The following CA10 variants were observed in gnomAD, a reference collection of about 807,000 sequenced individuals.
The protein encoded by CA10 is carbonic anhydrase 10 (inactive), also known as carbonic anhydrase-related protein 10.
In CA10, 14 loss-of-function variants were observed where a neutral mutation model predicts 44.2. The observed-to-expected ratio is 0.32, with a 90% CI of 0.21 to 0.50. The LOEUF is 0.50. Ranked by LOEUF, CA10 falls within the 20% of genes least tolerant of loss-of-function variation. CA10 has a pLI of 0.99. For synonymous variants in CA10, 159 were observed against 141.6 expected (o/e 1.12, Z -0.87); for missense variants, 350 against 409.7 (o/e 0.85, Z 1.26).
At chr17:51,856,307 C>G (rs967492898) in intron 3 of CA10, among the ~76,000 whole-genome samples, 1 of 151,996 alleles carries the variant, frequency 6.6e-6, no homozygotes, top group Non-Finnish European at 1.5e-5. Context: ...GATGTTAATT[C>G]TGGTTATTTA....
intron 8 of CA10, among the ~76,000 whole-genome samples, chr17:51,632,028 A>G (rs749762420): frequency 2.0e-5 from 3 of 152,198 alleles, no homozygotes; most frequent in African/African-American, 4.8e-5. Flanking sequence ...TGGAAAAACA[A>G]CAGTCCACAG....
rs115221684 is a variant in CA10 at position 52,096,456 on chromosome 17, G to A, written c.62-24063C>T. On this transcript the variant is annotated intron_variant, in intron 1 of 8. Transcript: ENST00000451037. ...AGTTCCTGGACACTCTGGTACATCCGATTACAGAAGAAAGAGATAAGAATT... is the reference window on the plus strand; with the variant it reads ...AGTTCCTGGACACTCTGGTACATCCAATTACAGAAGAAAGAGATAAGAATT... 4.5e-3 allele frequency among the ~76,000 whole-genome samples: 688 copies of A among 152,252 alleles called. 4 individuals carry two copies. Among genetic ancestry groups the A allele is most frequent in the Middle Eastern group, 0.041 (12 of 294 alleles).
intron 3 of CA10, among the ~76,000 whole-genome samples, chr17:51,908,456 G>T (rs555342298): frequency 5.8e-4 from 88 of 152,220 alleles, no homozygotes; most frequent in African/African-American, 2.1e-3. Flanking sequence ...CTTCTGCCCT[G>T]GTATGTATAC....
chr17:52,020,218 T>C (rs544115348), intron 2 of CA10, among the ~76,000 whole-genome samples: 15 of 152,150 alleles, frequency 9.9e-5, no homozygotes, highest in African/African-American at 1.7e-4. Flanking sequence ...ATTTGGATGA[T>C]ATATTTTCAG....
intron 2 of CA10, among the ~76,000 whole-genome samples, chr17:51,961,596 C>G (rs1194197278): frequency 6.6e-6 from 1 of 152,062 alleles, no homozygotes; most frequent in Non-Finnish European, 1.5e-5. Context: ...TAGCAAATTA[C>G]TATTAGACAT....
chr17:52,046,740 A>G (rs944690601), intron 2 of CA10, among the ~76,000 whole-genome samples: 1 of 151,890 alleles, frequency 6.6e-6, no homozygotes, highest in African/African-American at 2.4e-5. Flanking sequence ...ATAGAAAAAA[A>G]ACTTTTAGAC....
At position 51,631,602 on chromosome 17, in the gene CA10, AT is replaced by A; in HGVS notation, c.968del (p.Asn323MetfsTer23). The A allele has an allele frequency of 1.2e-6, 2 of 1,612,428 alleles. No homozygotes were observed. The highest frequency in any genetic ancestry group is 8.5e-7 in the Non-Finnish European group (1 of 1,178,710). On this transcript the variant is annotated frameshift_variant, in exon 9 of 9. Coordinates refer to ENST00000451037, the MANE Select transcript of CA10 (RefSeq NM_020178.5). LOFTEE classifies it high-confidence loss of function. ...TTGTTCCCTACTTGAGGAGCCATTCATTTACTGCAAAGAGAGAGAAAGAAAA... is the reference window on the plus strand; with the variant it reads ...TTGTTCCCTACTTGAGGAGCCATTCATTACTGCAAAGAGAGAGAAAGAAAA... ...NRAQKLQYRVNEWLLK is the reference protein window; with the variant it reads ...NRAQKLQYRVXEWLLK
At chr17:51,800,904 C>T (rs973759113) in intron 3 of CA10, among the ~76,000 whole-genome samples, 2 of 152,112 alleles carry the variant, frequency 1.3e-5, no homozygotes, top group Admixed American at 6.5e-5. Flanking sequence ...TCATCAAATT[C>T]GGCAGGTGGG....
intron 4 of CA10, among the ~76,000 whole-genome samples, chr17:51,683,422 C>A (rs1914908011): frequency 6.6e-6 from 1 of 152,128 alleles, no homozygotes; most frequent in Non-Finnish European, 1.5e-5. Flanking sequence ...TTAAAAAAAT[C>A]TCACTTGCTC....
chr17:51,662,824 C>T (rs575945929), intron 4 of CA10, among the ~76,000 whole-genome samples: 7 of 152,236 alleles, frequency 4.6e-5, no homozygotes, highest in Admixed American at 1.3e-4. Flanking sequence ...GGCTATCATA[C>T]CAACCTAGAA....
chr17:51,699,950 G>A (rs1236329055), intron 4 of CA10, among the ~76,000 whole-genome samples: 1 of 152,182 alleles, frequency 6.6e-6, no homozygotes, highest in Non-Finnish European at 1.5e-5. Context: ...TTCCACAGCT[G>A]TTCCTTTATT....
intron 1 of CA10, among the ~76,000 whole-genome samples, chr17:52,119,440 A>G (rs1277352636): frequency 6.6e-6 from 1 of 152,180 alleles, no homozygotes; most frequent in African/African-American, 2.4e-5. Flanking sequence ...CCTTGTATTC[A>G]CAGTCCCTGT....
At chr17:51,837,623 A>G (rs187627934) in intron 3 of CA10, among the ~76,000 whole-genome samples, 312 of 152,344 alleles carry the variant, frequency 2.0e-3, no homozygotes, top group Non-Finnish European at 3.7e-3. Flanking sequence ...CCCTGAAAGC[A>G]TTAGCTGGAA....
At chr17:51,988,017 A>C (rs1460152730) in intron 2 of CA10, among the ~76,000 whole-genome samples, 1 of 152,062 alleles carries the variant, frequency 6.6e-6, no homozygotes, top group African/African-American at 2.4e-5. Context: ...GTTCAAAATA[A>C]TAATGTATCT....
chr17:51,725,982 A>AC (rs5820875), intron 4 of CA10, among the ~76,000 whole-genome samples: 152,283 of 152,286 alleles, frequency 1, 76,140 homozygotes, highest in Middle Eastern at 1. Flanking sequence ...AGAGTCATTC[A>AC]CCTGTCGGGG....
chr17:52,125,028 A>G (rs965260300), intron 1 of CA10, among the ~76,000 whole-genome samples: 2 of 152,140 alleles, frequency 1.3e-5, no homozygotes, highest in Admixed American at 1.3e-4. Context: ...TTTCACATAC[A>G]CATCACTGTC....
intron 7 of CA10, among the ~76,000 whole-genome samples, 197 bp downstream of exon 7, chr17:51,635,658 C>T (rs992960555): frequency 3.9e-5 from 6 of 152,178 alleles, no homozygotes; most frequent in East Asian, 1.9e-4. Flanking sequence ...AAGGAAGCAA[C>T]GCTGCTGACA....
chr17:51,645,097 C>T (rs1166688890), intron 6 of CA10, among the ~76,000 whole-genome samples: 1 of 152,046 alleles, frequency 6.6e-6, no homozygotes, highest in Non-Finnish European at 1.5e-5. Context: ...TGCCCGGCCT[C>T]TTGGCTTTTT....
At chr17:51,980,425 C>A (rs189225068) in intron 2 of CA10, among the ~76,000 whole-genome samples, 68 of 152,112 alleles carry the variant, frequency 4.5e-4, no homozygotes, top group African/African-American at 1.6e-3. Context: ...GGGTATTAAA[C>A]CTTTGTCAGA....
Sources: allele counts gnomAD v4.1 joint callset (sites outside exome capture counted in the v4.1 genomes callset), GRCh38; gene constraint gnomAD v4.1.1; transcripts MANE v1.5; gene names NCBI Gene and HGNC (gene_info 2026-07-23, HGNC 2026-07-21).